Variants in KANSL1 observed in about 807,000 individuals in gnomAD.
KANSL1 encodes MLL1/MLL complex subunit KANSL1.
Under a neutral mutation model 103.6 loss-of-function variants are expected in KANSL1, and 22 were observed. The ratio of observed to expected loss-of-function variants is 0.21; its 90% CI spans 0.15 to 0.30. The LOEUF is 0.30. Among genes scored for constraint, KANSL1 ranks in the 10% least tolerant of loss-of-function variants. KANSL1 has a pLI of 1.00. For missense variants in KANSL1, 1,337 were observed against 1,399.8 expected (o/e 0.96, Z 0.72); for synonymous variants, 600 against 527.6 (o/e 1.14, Z -1.88).
At chr17:46,086,912 G>T (rs1036491157) in intron 3 of KANSL1, among the ~76,000 whole-genome samples, 1 of 152,104 alleles carries the variant, frequency 6.6e-6, no homozygotes, top group Non-Finnish European at 1.5e-5. Context: ...TACTACAGGC[G>T]CATACCACCA....
At chr17:46,195,625 C>T (rs1009921405), upstream of KANSL1, among the ~76,000 whole-genome samples, 1 of 152,208 alleles carries the variant, frequency 6.6e-6, no homozygotes, top group Non-Finnish European at 1.5e-5. Flanking sequence ...TGCAGTGGTG[C>T]AATCAAACTC....
At chr17:46,141,874 A>G (rs571778419) in intron 2 of KANSL1, among the ~76,000 whole-genome samples, 12 of 152,326 alleles carry the variant, frequency 7.9e-5, no homozygotes, top group African/African-American at 2.9e-4. Context: ...GATGAATTAA[A>G]AGGGTAGTTT....
At chr17:46,130,124 G>T (rs2043778642) in intron 2 of KANSL1, among the ~76,000 whole-genome samples, 1 of 149,858 alleles carries the variant, frequency 6.7e-6, no homozygotes, top group Non-Finnish European at 1.5e-5. Flanking sequence ...AAGGTAGAGG[G>T]TGCAGTGAGC....
chr17:46,085,453 A>T (rs144768186), intron 3 of KANSL1, among the ~76,000 whole-genome samples: 1 of 152,258 alleles, frequency 6.6e-6, no homozygotes, highest in Non-Finnish European at 1.5e-5. Context: ...GAGCATTCAT[A>T]ATCTTATGCC....
chr17:46,091,037 A>G (rs1045279097), intron 3 of KANSL1, among the ~76,000 whole-genome samples: 1 of 152,236 alleles, frequency 6.6e-6, no homozygotes, highest in Non-Finnish European at 1.5e-5. Context: ...AGCCTCCAGC[A>G]GGTCCTTCTG....
At chr17:46,184,758 C>T (rs1385360899) in intron 1 of KANSL1, among the ~76,000 whole-genome samples, 1 of 152,152 alleles carries the variant, frequency 6.6e-6, no homozygotes, top group African/African-American at 2.4e-5. Context: ...ACCTGCACCC[C>T]CATGACACCC....
intron 1 of KANSL1, among the ~76,000 whole-genome samples, chr17:46,189,031 C>CGAAAAAA (rs2047171191): frequency 1.6e-5 from 1 of 62,414 alleles, no homozygotes; most frequent in South Asian, 7.8e-4. Flanking sequence ...AAGATTGTCT[C>CGAAAAAA]AAAAAAAAAA....
At chr17:46,084,159 A>C (rs1440189695) in intron 3 of KANSL1, among the ~76,000 whole-genome samples, 2 of 140,086 alleles carry the variant, frequency 1.4e-5, no homozygotes, top group Admixed American at 7.4e-5. Context: ...CGGGTGGATC[A>C]CCTGAGGTCG....
At chr17:46,198,101 GAC>G (rs2047673134), upstream of KANSL1, among the ~76,000 whole-genome samples, 3 of 152,278 alleles carry the variant, frequency 2.0e-5, no homozygotes, top group South Asian at 6.2e-4. Flanking sequence ...GCACAAAAGA[GAC>G]ACATCATAAG....
chr17:46,196,229 C>A (rs1041756263), upstream of KANSL1: 9 of 436,458 alleles, frequency 2.1e-5, no homozygotes, highest in Non-Finnish European at 4.1e-5. Flanking sequence ...CAGAGCGAGA[C>A]CATCTCAAAA....
upstream of KANSL1, among the ~76,000 whole-genome samples, chr17:46,198,045 G>A (rs1181857602): frequency 6.6e-6 from 1 of 152,136 alleles, no homozygotes; most frequent in African/African-American, 2.4e-5. Context: ...AAAAGCACAG[G>A]GGCCCATTTT....
At chr17:46,155,510 G>A (rs1173929293) in intron 2 of KANSL1, among the ~76,000 whole-genome samples, 2 of 152,132 alleles carry the variant, frequency 1.3e-5, no homozygotes, top group Non-Finnish European at 2.9e-5. Context: ...ATATAATAAA[G>A]TCTGGAAAAA....
At chr17:46,055,260 T>C (rs537794264) in intron 6 of KANSL1, among the ~76,000 whole-genome samples, 94 of 152,030 alleles carry the variant, frequency 6.2e-4, no homozygotes, top group African/African-American at 2.1e-3. Context: ...GGTTAGGAGT[T>C]CAAGACCAGC....
At chr17:46,220,458 C>T (rs531389051) in intron 1 of KANSL1, among the ~76,000 whole-genome samples, 47 of 152,172 alleles carry the variant, frequency 3.1e-4, no homozygotes, top group African/African-American at 1.1e-3. Flanking sequence ...CCTCATGATC[C>T]GCCCGCCTCG....
intron 10 of KANSL1, chr17:46,034,626 C>T (rs544392924): frequency 4.1e-6 from 1 of 243,498 alleles, no homozygotes; most frequent in African/African-American, 2.4e-5. Flanking sequence ...ACCTCCTCTC[C>T]TTTTACAATC....
intron 6 of KANSL1, among the ~76,000 whole-genome samples, chr17:46,064,397 GCT>G (rs1327591722): frequency 6.6e-6 from 1 of 152,048 alleles, no homozygotes; most frequent in African/African-American, 2.4e-5. Context: ...CCCATTCTCT[GCT>G]CTCTTTTACA....
intron 1 of KANSL1, among the ~76,000 whole-genome samples, chr17:46,191,150 A>G (rs2047300070): frequency 6.6e-6 from 1 of 152,264 alleles, no homozygotes; most frequent in African/African-American, 2.4e-5. Context: ...AGTTTACCCA[A>G]TTATGGGAAA....
intron 1 of KANSL1, among the ~76,000 whole-genome samples, chr17:46,183,624 A>C (rs1180161919): frequency 6.6e-6 from 1 of 151,218 alleles, no homozygotes; most frequent in African/African-American, 2.4e-5. Flanking sequence ...AGAGAAGAAA[A>C]GGAGGGAAAG....
intron 2 of KANSL1, among the ~76,000 whole-genome samples, chr17:46,100,616 ATAGATCAAC>A (rs1183375377): frequency 1.3e-5 from 2 of 152,352 alleles, no homozygotes; most frequent in Admixed American, 6.5e-5. Context: ...GGGATTATCA[ATAGATCAAC>A]TCTTTTGTAT....
Sources: allele counts gnomAD v4.1 joint callset (sites outside exome capture counted in the v4.1 genomes callset), GRCh38; gene constraint gnomAD v4.1.1; transcripts MANE v1.5; gene names NCBI Gene and HGNC (gene_info 2026-07-23, HGNC 2026-07-21).